The following APOB variants were observed in gnomAD, a reference collection of about 807,000 sequenced individuals.
APOB encodes apolipoprotein B, also known as apolipoprotein B-100.
Under a neutral mutation model 314.1 loss-of-function variants are expected in APOB, and 153 were observed. The observed-to-expected ratio is 0.49, with a 90% confidence interval of 0.43 to 0.56. The LOEUF (loss-of-function observed/expected upper bound fraction) is 0.56, where lower values mean the gene tolerates loss of function less well. APOB is among the 20% of genes least tolerant of loss of function. The probability of loss-of-function intolerance (pLI) is 0.00; values close to 1 mark genes in which losing one functional copy is unlikely to be tolerated. For missense variants in APOB, 5,430 were observed against 5,350.7 expected, an observed-to-expected ratio of 1.01 and a Z score of -0.46; for synonymous variants, 2,087 against 2,036.4, an observed-to-expected ratio of 1.02 and a Z score of -0.67.
At chr2:21,035,791 C>A in intron 6 of APOB, 83 bp from the exon 7 acceptor site, 1 of 1,383,618 alleles carries the variant, frequency 7.2e-7, no homozygotes, top group Non-Finnish European at 1.0e-6. Flanking sequence ...TAGAAGGGAG[C>A]AGGAGTCCTG....
chr2:21,039,585 T>G (rs942712394), intron 4 of APOB, among the ~76,000 whole-genome samples: 5 of 152,224 alleles, frequency 3.3e-5, no homozygotes, highest in African/African-American at 1.2e-4. Context: ...AGATGATGGG[T>G]ATGCTAATTA....
intron 12 of APOB, among the ~76,000 whole-genome samples, chr2:21,029,326 C>T (rs1046609079): frequency 6.6e-6 from 1 of 152,188 alleles, no homozygotes; most frequent in African/African-American, 2.4e-5. Context: ...TGGCACATGC[C>T]TGTAATCCCA....
rs770685373 is a variant in APOB, at chr2:21,027,826, A to C, written c.2067+2T>G. 1 of 1,608,096 alleles carries C rather than the reference A, an allele frequency of 6.2e-7. No individual in the cohort carries two copies. Among genetic ancestry groups the C allele is most frequent in the African/African-American group, 1.3e-5 (1 of 74,776 alleles). ...AGAGAACCTCAAACTCTTCACACTTACCTCGATGAGGTCAGCTGAAGCAAA... is the reference window on the plus strand; with the variant it reads ...AGAGAACCTCAAACTCTTCACACTTCCCTCGATGAGGTCAGCTGAAGCAAA... On this transcript the variant is annotated splice_donor_variant, in intron 14 of 28. Coordinates refer to ENST00000233242, the MANE Select transcript of APOB (RefSeq NM_000384.3). LOFTEE classifies it high-confidence loss of function.
rs1663181361 is a variant in APOB, at chr2:21,007,606, G to T, written c.9262C>A (p.Gln3088Lys). Residue 3088 changes from glutamine to lysine, a missense_variant, in exon 26 of 29, where the codon CAA (glutamine) becomes AAA (lysine). Gln to Lys is a moderately conservative substitution (Grantham distance 53). Coordinates refer to ENST00000233242, the MANE Select transcript of APOB (RefSeq NM_000384.3). ...LSPSAQQASWQVSARFNQYKY... is the reference protein window; with the variant it reads ...LSPSAQQASWKVSARFNQYKY... The stretch of plus-strand genomic sequence containing the variant: ...TACTGATTGAACCTAGCACTTACTT[G>T]CCAACTTGCTTGCTGGGCACTGGGA... The T allele has an allele frequency of 6.2e-7, 1 of 1,613,926 alleles. No individual in the cohort carries two copies. The highest frequency in any genetic ancestry group is 1.3e-5 in the African/African-American group (1 of 74,890).
intron 16 of APOB, 37 bp downstream of exon 16, chr2:21,024,896 T>C: frequency 2.5e-6 from 4 of 1,611,450 alleles, no homozygotes; most frequent in Non-Finnish European, 3.4e-6. Flanking sequence ...AACCAACGTC[T>C]GGTCTCATGG....
In APOB at chr2:21,005,928, T is replaced by C; in HGVS notation, c.10940A>G (p.Gln3647Arg). Reference protein sequence around the residue: ...VRIHSGSFQSQVELSNDQEKA... With the variant: ...VRIHSGSFQSRVELSNDQEKA... ...TTCTTGGTCATTGGAAAGCTCGACC[T>C]GGCTCTGGAAAGACCCAGAATGAAT... The change falls in exon 26 of 29, where the codon CAG (glutamine) becomes CGG (arginine). Residue 3647 changes from glutamine (Q) to arginine (R), a missense_variant. Physicochemically the swap from Gln to Arg is conservative, Grantham distance 43. This residue lies in a region of APOB where 3,281 missense variants were observed against 3,171.0 expected (regional missense o/e 1.03). Transcript: ENST00000233242. The C allele has an allele frequency of 6.2e-7, 1 of 1,613,968 alleles. No individual in the cohort carries two copies. Among genetic ancestry groups the C allele is most frequent in the Non-Finnish European group, 8.5e-7 (1 of 1,179,942 alleles).
Position 21,029,900 on chromosome 2 carries a change from G to A in APOB, c.1468C>T (p.Arg490Trp), listed in dbSNP as rs771541567. The A allele has an allele frequency of 7.4e-6, 12 of 1,610,760 alleles. No homozygotes were observed. The highest frequency in any genetic ancestry group is 1.1e-5 in the South Asian group (1 of 91,010). ...GDEDYTYLIL[R>W]VIGNMGQTME... is the part of the protein sequence containing the mutation. ...GTCATATAAAAGACTGAGATTACCC[G>A]CAGAATCAAATAGGTGTAATCTTCA... Residue 490 changes from arginine (R) to tryptophan (W), a missense_variant and splice_region_variant, in exon 11 of 29, where the codon CGG becomes TGG. Around this residue, in one of 3 missense-constraint regions of APOB, gnomAD observed 2,085 missense variants for 2,079.7 expected, o/e 1.00. Transcript: ENST00000233242.
intron 21 of APOB, 136 bp downstream of exon 21, chr2:21,016,303 G>A (rs1572788531): frequency 1.6e-6 from 1 of 614,610 alleles, no homozygotes; most frequent in African/African-American, 1.9e-5. Context: ...AAAAAAAATT[G>A]TTGAGGGCTC....
chr2:21,023,412 T>A, intron 17 of APOB, 113 bp downstream of exon 17: 1 of 1,272,404 alleles, frequency 7.9e-7, no homozygotes. Flanking sequence ...GTGATTACAA[T>A]GATGAAGCAT....
chr2:21,002,722 T>C lies in APOB; in HGVS notation c.12700A>G (p.Lys4234Glu), dbSNP rs139116589. 3.7e-6 allele frequency: 6 copies of C among 1,613,268 alleles called. No individual in the cohort carries two copies. Among genetic ancestry groups the C allele is most frequent in the Admixed American group, 1.7e-5 (1 of 59,906 alleles). ...VGTVLSQVYS[K>E]VHNGSEILFS... ...AGTATTTCTGAACCATTATGGACTT[T>C]CGAATATACCTGGGACAGTACCGTC... The change falls in exon 29 of 29, where the codon AAA (lysine) becomes GAA (glutamate). Residue 4234 changes from lysine (K) to glutamate (E), a missense_variant. This residue lies in a region of APOB where 3,281 missense variants were observed against 3,171.0 expected (regional missense o/e 1.03). Coordinates refer to ENST00000233242, the MANE Select transcript of APOB (RefSeq NM_000384.3).
At chr2:21,022,432 A>G (rs766653437) in intron 18 of APOB, among the ~76,000 whole-genome samples, 1 of 152,202 alleles carries the variant, frequency 6.6e-6, no homozygotes, top group Non-Finnish European at 1.5e-5. Context: ...GCTACCTCAA[A>G]TCAATATGTT....
At chr2:21,003,455 G>A (rs1463209310) in intron 28 of APOB, 121 bp from the exon 29 acceptor site, 1 of 881,146 alleles carries the variant, frequency 1.1e-6, no homozygotes, top group Non-Finnish European at 1.8e-6. Context: ...ATACTGAAAG[G>A]GATTTATCTT....
Position 21,042,393 on chromosome 2 carries a change from C to A in APOB, c.205G>T (p.Asp69Tyr). The A allele has an allele frequency of 6.2e-7, 1 of 1,613,956 alleles. No individual in the cohort carries two copies. Reference sequence around the variant, plus strand: ...TTGATCCTGGTGGCACTTCTTGAATCAGCAGTCCCAGGGACTCCACTGGAA... The same window carrying A: ...TTGATCCTGGTGGCACTTCTTGAATAAGCAGTCCCAGGGACTCCACTGGAA... ...ESSSGVPGTA[D>Y]SRSATRINCK... The change falls in exon 3 of 29, where the codon GAT becomes TAT. Residue 69 changes from aspartate (D) to tyrosine (Y), a missense_variant. By Grantham distance (160) the Asp-to-Tyr change is radical. Transcript: ENST00000233242.
Position 21,009,993 on chromosome 2 carries a change from A to G in APOB, c.6875T>C (p.Ile2292Thr), listed in dbSNP as rs145977507. The change falls in exon 26 of 29, where the codon ATT becomes ACT. Residue 2292 changes from isoleucine to threonine, a missense_variant. Around this residue, in one of 3 missense-constraint regions of APOB, gnomAD observed 3,281 missense variants for 3,171.0 expected, o/e 1.03. Coordinates refer to ENST00000233242, the MANE Select transcript of APOB (RefSeq NM_000384.3). ...AGKLKQHIEA[I>T]DVRVLLDQLG... ...TTGATCTAAAAGCACTCTAACATCA[A>G]TAGCCTCAATGTGTTGTTTTAACTT... 30 of 1,613,688 alleles carry G rather than the reference A, an allele frequency of 1.9e-5. No individual in the cohort carries two copies. The highest frequency in any genetic ancestry group is 3.3e-5 in the Admixed American group (2 of 59,996).
chr2:21,024,994 AG>A lies in APOB; in HGVS notation c.2374del (p.Leu792SerfsTer9). On this transcript the variant is annotated frameshift_variant, in exon 16 of 29. Coordinates refer to ENST00000233242, the MANE Select transcript of APOB (RefSeq NM_000384.3). LOFTEE classifies it high-confidence loss of function. ...CAGAAGCAGCTTTCCCAGGAGCTGGAGGTCATGGAGACTGGCAAAACCAAGC... is the reference window on the plus strand; with the variant it reads ...CAGAAGCAGCTTTCCCAGGAGCTGGAGTCATGGAGACTGGCAAAACCAAGC... ...EELGFASLHD[L>X]QLLGKLLLMG... The A allele has an allele frequency of 6.2e-7, 1 of 1,614,230 alleles. No homozygotes were observed. The highest frequency in any genetic ancestry group is 8.5e-7 in the Non-Finnish European group (1 of 1,180,044).
In APOB at chr2:21,011,679, T is replaced by C; in HGVS notation, c.5189A>G (p.Lys1730Arg). 6.2e-7 allele frequency: 1 copy of C among 1,614,206 alleles called. No homozygotes were observed. Among genetic ancestry groups the C allele is most frequent in the African/African-American group, 1.3e-5 (1 of 75,044 alleles). ...GAGCTTAAGTCCTTCTTGACTGACC[T>C]TGAAGTTGAAAATGTTTTTGCTGTC... The part of the protein sequence containing the change: ...GVDSKNIFNF[K>R]VSQEGLKLSN... The change falls in exon 26 of 29, where the codon AAG becomes AGG. Residue 1730 changes from lysine to arginine, a missense_variant. Lys to Arg is a conservative substitution (Grantham distance 26). This residue lies in a region of APOB where 2,085 missense variants were observed against 2,079.7 expected (regional missense o/e 1.00). Transcript: ENST00000233242.
At position 21,005,425 on chromosome 2, in the gene APOB, C is replaced by T. The variant is rs551178628; in HGVS notation, c.11443G>A (p.Val3815Met). Residue 3815 changes from valine (V) to methionine (M), a missense_variant, in exon 26 of 29, where the codon GTG (valine) becomes ATG (methionine). By Grantham distance (21) the Val-to-Met change is conservative. This residue lies in a region of APOB where 3,281 missense variants were observed against 3,171.0 expected (regional missense o/e 1.03). Coordinates refer to ENST00000233242, the MANE Select transcript of APOB (RefSeq NM_000384.3). ...GACACAGTTAACTGAGATTCAGGCA[C>T]GGTTATCTCAAAAAAGGGAATCAAG... ...DSLIPFFEITVPESQLTVSQF... is the reference protein window; with the variant it reads ...DSLIPFFEITMPESQLTVSQF... 161 of 1,613,854 alleles carry T rather than the reference C, an allele frequency of 1.0e-4. No homozygotes were observed. Among genetic ancestry groups the T allele is most frequent in the East Asian group, 1.8e-4 (8 of 44,872 alleles).
Position 21,040,957 on chromosome 2 carries a change from A to T in APOB, c.364T>A (p.Phe122Ile). The T allele has an allele frequency of 6.2e-7, 1 of 1,613,952 alleles. No homozygotes were observed. Among genetic ancestry groups the T allele is most frequent in the Admixed American group, 1.7e-5 (1 of 60,016 alleles). ...ACTTACCTGGACATGGCTGCAGCAA[A>T]CTCCTCAGAGTTCTTGGTTTTCTTC... ...LLKKTKNSEE[F>I]AAAMSRYELK... Residue 122 changes from phenylalanine to isoleucine, a missense_variant, in exon 4 of 29, where the codon TTT becomes ATT. Physicochemically the swap from Phe to Ile is conservative, Grantham distance 21 (BLOSUM62 0). Transcript: ENST00000233242.
chr2:21,014,953 C>T, intron 23 of APOB, 120 bp downstream of exon 23: 1 of 1,110,534 alleles, frequency 9.0e-7, no homozygotes, highest in Non-Finnish European at 1.4e-6. Flanking sequence ...CCAAGAATTC[C>T]CTGGGGGGAA....
Sources: allele counts gnomAD v4.1 joint callset (sites outside exome capture counted in the v4.1 genomes callset), GRCh38; gene constraint gnomAD v4.1.1; regional missense constraint gnomAD v4.1.1; transcripts MANE v1.5; gene names NCBI Gene and HGNC (gene_info 2026-07-23, HGNC 2026-07-21).